IFT172: variants seen among roughly 807,000 people sequenced by gnomAD.
The protein encoded by IFT172 is intraflagellar transport protein 172 homolog.
A neutral mutation model predicts 248.9 loss-of-function variants in IFT172; 164 were observed. The observed-to-expected ratio is 0.66, with a 90% CI of 0.58 to 0.75. The LOEUF (loss-of-function observed/expected upper bound fraction) is 0.75, where lower values mean the gene tolerates loss of function less well. IFT172 is among the 30% of genes least tolerant of loss of function. IFT172 has a pLI of 0.00. For missense variants in IFT172, 1,950 were observed against 2,192.4 expected, an observed-to-expected ratio of 0.89 and a Z score of 2.21; for synonymous variants, 729 against 791.6, an observed-to-expected ratio of 0.92 and a Z score of 1.33.
intron 35 of IFT172, among the ~76,000 whole-genome samples, chr2:27,451,404 A>G (rs1461881122): frequency 6.6e-6 from 1 of 152,164 alleles, no homozygotes; most frequent in Non-Finnish European, 1.5e-5. Context: ...CTAGAACCTC[A>G]AAACCAATCA....
chr2:27,469,689 G>T (rs1667401406), intron 16 of IFT172, among the ~76,000 whole-genome samples: 1 of 152,100 alleles, frequency 6.6e-6, no homozygotes, highest in Non-Finnish European at 1.5e-5. Context: ...AAAATTAGCT[G>T]GGCATGGTGA....
At chr2:27,484,308 C>T (rs1668591409) in intron 3 of IFT172, 42 bp from the exon 4 acceptor site, 2 of 1,609,202 alleles carry the variant, frequency 1.2e-6, no homozygotes, top group Non-Finnish European at 1.7e-6. Flanking sequence ...AAACCACTTC[C>T]AGGCCGGGCG....
chr2:27,447,338 G>C (rs1018728584), intron 42 of IFT172, among the ~76,000 whole-genome samples, 177 bp downstream of exon 42: 1 of 152,158 alleles, frequency 6.6e-6, no homozygotes, highest in African/African-American at 2.4e-5. Context: ...TAAAAAGGTC[G>C]GAAGAAGAAA....
chr2:27,461,403 T>G lies in IFT172; in HGVS notation c.2308A>C (p.Ile770Leu), dbSNP rs145926013. The change falls in exon 22 of 48, where the codon ATC (isoleucine) becomes CTC (leucine). Residue 770 changes from isoleucine (I) to leucine (L), a missense_variant. Transcript: ENST00000260570. ...AGCCCAGCTTTGAGGTAGAGGCTGA[T>G]GGCTGCTAGCCCATCCCCTTGGCTC... ...QESQGDGLAA[I>L]SLYLKAGLPA... The G allele has an allele frequency of 1.2e-6, 2 of 1,614,220 alleles. No homozygotes were observed. The highest frequency in any genetic ancestry group is 1.7e-6 in the Non-Finnish European group (2 of 1,180,022).
rs1204609495 is a variant in IFT172 at position 27,458,804 on chromosome 2, G to A, written c.2852C>T (p.Ala951Val). ...TKDAIDMYTQ[A>V]GRWEQAHKLA... ...CTTGTGGGCTTGTTCCCAACGACCAGCCTGGGTGTACATGTCTATGGCATC... is the reference window on the plus strand; with the variant it reads ...CTTGTGGGCTTGTTCCCAACGACCAACCTGGGTGTACATGTCTATGGCATC... The change falls in exon 26 of 48, where the codon GCT becomes GTT. Residue 951 changes from alanine (A) to valine (V), a missense_variant. Around this residue, in one of 3 missense-constraint regions of IFT172, gnomAD observed 1,166 missense variants for 1,254.1 expected, o/e 0.93. Transcript: ENST00000260570. 6.2e-7 allele frequency: 1 copy of A among 1,614,050 alleles called. No homozygotes were observed. The highest frequency in any genetic ancestry group is 8.5e-7 in the Non-Finnish European group (1 of 1,180,036).
rs1290925131 is a variant in IFT172, at chr2:27,459,765, G to T, written c.2586C>A (p.Asp862Glu). The change falls in exon 24 of 48, where the codon GAC becomes GAA. Residue 862 changes from aspartate (D) to glutamate (E), a missense_variant. Coordinates refer to ENST00000260570, the MANE Select transcript of IFT172 (RefSeq NM_015662.3). ...EVVKLEEAWG[D>E]HLVQQKQLDA... ...CAAGCTGCTTCTGCTGCACCAGGTG[G>T]TCCCCCCATGCCTCCTCTAGTTTCA... is the stretch of plus-strand genomic sequence containing the variant. 1 of 1,612,978 alleles carries T rather than the reference G, an allele frequency of 6.2e-7. No homozygotes were observed. The highest frequency in any genetic ancestry group is 1.7e-5 in the Admixed American group (1 of 60,028).
intron 43 of IFT172, 120 bp from the exon 44 acceptor site, chr2:27,446,108 C>A: frequency 1.4e-6 from 2 of 1,414,748 alleles, no homozygotes; most frequent in South Asian, 2.3e-5. Context: ...CTCTGGGATC[C>A]AGGGAGAAAA....
intron 4 of IFT172, 86 bp from the exon 5 acceptor site, chr2:27,484,023 A>G: frequency 7.6e-7 from 1 of 1,312,962 alleles, no homozygotes; most frequent in Non-Finnish European, 1.1e-6. Context: ...ACCACACACC[A>G]CCACCTCAAT....
At chr2:27,446,633 C>G (rs1418856733) in intron 42 of IFT172, among the ~76,000 whole-genome samples, 1 of 151,466 alleles carries the variant, frequency 6.6e-6, no homozygotes, top group African/African-American at 2.4e-5. Flanking sequence ...CGTGCCTCAG[C>G]CTCCTGAGTA....
chr2:27,451,032 T>C (rs1390356011), intron 35 of IFT172, among the ~76,000 whole-genome samples: 1 of 151,914 alleles, frequency 6.6e-6, no homozygotes, highest in African/African-American at 2.4e-5. Flanking sequence ...GTGGCCTGCA[T>C]TATATTTCTA....
chr2:27,472,609 A>T (rs547082561), intron 14 of IFT172, among the ~76,000 whole-genome samples: 34 of 152,330 alleles, frequency 2.2e-4, no homozygotes, highest in Admixed American at 7.8e-4. Context: ...TACTCACAGA[A>T]TCCCCTCGAA....
intron 5 of IFT172, 78 bp from the exon 6 acceptor site, chr2:27,483,737 T>C (rs1668551684): frequency 2.0e-6 from 3 of 1,528,914 alleles, no homozygotes; most frequent in South Asian, 1.1e-5. Context: ...AAGGAAAAAC[T>C]GTCCCACAAA....
chr2:27,449,621 A>C (rs1665471036), intron 37 of IFT172, 59 bp from the exon 38 acceptor site: 1 of 1,612,970 alleles, frequency 6.2e-7, no homozygotes, highest in South Asian at 1.1e-5. Flanking sequence ...CCTCCCGGTA[A>C]GACTTTCTCC....
intron 16 of IFT172, among the ~76,000 whole-genome samples, chr2:27,467,417 T>C (rs1438402005): frequency 2.1e-4 from 2 of 9,604 alleles, no homozygotes; most frequent in Non-Finnish European, 4.0e-4. Context: ...TACAGAAAAT[T>C]GAAAAAAAAA....
chr2:27,472,797 A>G (rs917117707), intron 14 of IFT172, among the ~76,000 whole-genome samples: 5 of 152,232 alleles, frequency 3.3e-5, no homozygotes, highest in Non-Finnish European at 7.3e-5. Flanking sequence ...ACCTCTGACT[A>G]AAGTTAGGCT....
chr2:27,484,052 C>T (rs1668575078), intron 4 of IFT172, 115 bp from the exon 5 acceptor site: 5 of 1,275,798 alleles, frequency 3.9e-6, no homozygotes, highest in Non-Finnish European at 5.7e-6. Context: ...GGGAAGGACA[C>T]AGCAGGGCTC....
chr2:27,454,087 C>T lies in IFT172; in HGVS notation c.3606G>A (p.Val1202=), dbSNP rs1326504927. The T allele has an allele frequency of 6.2e-7, 1 of 1,614,120 alleles. No individual in the cohort carries two copies. The highest frequency in any genetic ancestry group is 1.1e-5 in the South Asian group (1 of 91,080). The part of the protein sequence containing the change: ...EAHDPDSVAE[V]LVGQARGALE... ...AGGCCCCCCGGGCCTGTCCCACAAG[C>T]ACCTCGGCGACACTGTCAGGGTCGT... The change falls in exon 33 of 48, where the codon GTG becomes GTA. Residue 1202 remains valine, a synonymous_variant. Coordinates refer to ENST00000260570, the MANE Select transcript of IFT172 (RefSeq NM_015662.3). This position sits in a 1 kb window ranked among gnomAD's most constrained non-coding sequence, Gnocchi z 4.2.
chr2:27,461,175 C>T, intron 22 of IFT172, 82 bp from the exon 23 acceptor site: 2 of 1,612,954 alleles, frequency 1.2e-6, no homozygotes, highest in Non-Finnish European at 1.7e-6. Flanking sequence ...GGAACACCAG[C>T]AGTCAGGAAG....
intron 7 of IFT172, among the ~76,000 whole-genome samples, chr2:27,483,060 T>C (rs577956708): frequency 3.4e-5 from 5 of 149,250 alleles, no homozygotes; most frequent in African/African-American, 1.2e-4. Context: ...TGTAGTGCAG[T>C]GGTGCTATTT....
Sources: allele counts gnomAD v4.1 joint callset (sites outside exome capture counted in the v4.1 genomes callset), GRCh38; gene constraint gnomAD v4.1.1; regional missense constraint gnomAD v4.1.1; non-coding constraint Gnocchi (gnomAD v3.1); transcripts MANE v1.5; gene names NCBI Gene and HGNC (gene_info 2026-07-23, HGNC 2026-07-21).